The following CCR5AS variants were observed in gnomAD, a reference collection of about 807,000 sequenced individuals.
CCR5AS encodes the protein CCR5 antisense RNA.
intron 1 of CCR5AS, among the ~76,000 whole-genome samples, chr3:46,404,869 A>G (rs1046669981): frequency 7.3e-6 from 1 of 137,854 alleles, no homozygotes; most frequent in Non-Finnish European, 1.6e-5. Flanking sequence ...ATACTTGCTG[A>G]ATAATTGAAT....
At chr3:46,393,656 A>T (rs1223960746) in intron 1 of CCR5AS, among the ~76,000 whole-genome samples, 1 of 152,210 alleles carries the variant, frequency 6.6e-6, no homozygotes, top group Non-Finnish European at 1.5e-5. Flanking sequence ...CAGCGCACAA[A>T]TTCTTGTATT....
chr3:46,373,499 C>T (rs757377300), intron 2 of CCR5AS: 4 of 1,612,376 alleles, frequency 2.5e-6, no homozygotes, highest in Non-Finnish European at 3.4e-6. Context: ...TAAAGATAGT[C>T]ATCTTGGGGC....
intron 2 of CCR5AS, among the ~76,000 whole-genome samples, chr3:46,383,479 T>A (rs888045990): frequency 6.6e-6 from 1 of 152,122 alleles, no homozygotes; most frequent in African/African-American, 2.4e-5. Context: ...CAAAGCCCCA[T>A]GGGCAGGGGT....
rs542774538 is a variant in CCR5AS at position 46,386,746 on chromosome 3, A to AT, written n.391+6078dup. Among the ~76,000 whole-genome samples the AT allele has an allele frequency of 7.7e-4, 117 of 152,350 alleles. 2 individuals carry two copies. In the Middle Eastern group the frequency reaches 0.01, roughly 13 times the overall value. On this transcript the variant is annotated intron_variant and non_coding_transcript_variant, in intron 2 of 3. Transcript: ENST00000451485. ...GACTAGATATAATATTATGTTAATT[A>AT]TGCTTTAATTTGGGGTACAATAATG...
chr3:46,381,570 A>G (rs1056428821), intron 2 of CCR5AS, among the ~76,000 whole-genome samples: 5 of 152,252 alleles, frequency 3.3e-5, no homozygotes, highest in African/African-American at 1.2e-4. Flanking sequence ...ATACCGCTGA[A>G]TATAATAAAA....
At chr3:46,370,763 TA>T (rs1276532577) in intron 3 of CCR5AS, 1 of 152,160 alleles carries the variant, frequency 6.6e-6, no homozygotes, top group Non-Finnish European at 1.5e-5. Flanking sequence ...AGCCCGTAAA[TA>T]AACCTTCAGA....
intron 1 of CCR5AS, among the ~76,000 whole-genome samples, chr3:46,406,254 A>G (rs1479160377): frequency 6.6e-6 from 1 of 152,132 alleles, no homozygotes; most frequent in Non-Finnish European, 1.5e-5. Context: ...CTTTGGTGGG[A>G]AAAGGATGTC....
intron 3 of CCR5AS, among the ~76,000 whole-genome samples, chr3:46,367,676 T>C (rs569696108): frequency 3.4e-4 from 52 of 152,294 alleles, no homozygotes; most frequent in African/African-American, 1.2e-3. Flanking sequence ...GTTCAAGAGA[T>C]TCTCCCACTT....
At chr3:46,384,866 TAGATAGATAGATA>T (rs1164715884) in intron 2 of CCR5AS, among the ~76,000 whole-genome samples, 1 of 25,852 alleles carries the variant, frequency 3.9e-5, no homozygotes, top group East Asian at 6.8e-4. Context: ...GATAGATAGA[TAGATAGATAGATA>T]GATAGATAGA....
At chr3:46,387,547 A>C (rs1289087706) in intron 2 of CCR5AS, among the ~76,000 whole-genome samples, 1 of 152,186 alleles carries the variant, frequency 6.6e-6, no homozygotes, top group East Asian at 1.9e-4. Flanking sequence ...TCAAGAGTTC[A>C]AGACCAGCCT....
chr3:46,392,585 C>A (rs142554027), intron 2 of CCR5AS, among the ~76,000 whole-genome samples: 1 of 152,062 alleles, frequency 6.6e-6, no homozygotes, highest in South Asian at 2.1e-4. Context: ...AGGCATCCCC[C>A]CGGTGATCAG....
intron 2 of CCR5AS, chr3:46,374,751 C>T (rs1701729340): frequency 6.0e-6 from 1 of 167,126 alleles, no homozygotes; most frequent in African/African-American, 2.4e-5. Flanking sequence ...GCAGGGAGAT[C>T]CTGGTTGGTG....
intron 1 of CCR5AS, among the ~76,000 whole-genome samples, chr3:46,403,074 G>T (rs141116482): frequency 6.6e-6 from 1 of 152,190 alleles, no homozygotes; most frequent in African/African-American, 2.4e-5. Flanking sequence ...ACATGATCTC[G>T]TTCTTTTCAT....
intron 3 of CCR5AS, among the ~76,000 whole-genome samples, chr3:46,367,762 G>T (rs1388861648): frequency 6.6e-6 from 1 of 152,190 alleles, no homozygotes; most frequent in East Asian, 1.9e-4. Flanking sequence ...AGTAGAGATG[G>T]GGTTTCACCA....
chr3:46,364,197 G>A (rs1042767816), downstream of CCR5AS, among the ~76,000 whole-genome samples: 1 of 152,258 alleles, frequency 6.6e-6, no homozygotes, highest in African/African-American at 2.4e-5. Flanking sequence ...CAGCTAGAGA[G>A]GAGATGTCAA....
intron 2 of CCR5AS, among the ~76,000 whole-genome samples, chr3:46,376,431 G>T (rs1240317855): frequency 6.6e-6 from 1 of 152,084 alleles, no homozygotes; most frequent in Admixed American, 6.6e-5. Context: ...TTTAGAGATG[G>T]TACCTCTAAG....
chr3:46,386,955 G>A (rs1449798503), intron 2 of CCR5AS, among the ~76,000 whole-genome samples: 1 of 152,116 alleles, frequency 6.6e-6, no homozygotes, highest in Non-Finnish European at 1.5e-5. Context: ...AAAACTGAGT[G>A]ATGGGAATAT....
chr3:46,400,983 C>A (rs139046559), intron 1 of CCR5AS, among the ~76,000 whole-genome samples: 2 of 151,992 alleles, frequency 1.3e-5, no homozygotes, highest in Admixed American at 6.6e-5. Context: ...GGAGATGGTG[C>A]GAATGTTTTT....
intron 2 of CCR5AS, among the ~76,000 whole-genome samples, chr3:46,379,123 A>C (rs2106758909): frequency 6.8e-6 from 1 of 147,178 alleles, no homozygotes; most frequent in African/African-American, 2.5e-5. Context: ...TGCACCCACT[A>C]ACTCGTCATC....
Sources: allele counts gnomAD v4.1 joint callset (sites outside exome capture counted in the v4.1 genomes callset), GRCh38; gene constraint gnomAD v4.1.1; transcripts MANE v1.5; gene names NCBI Gene and HGNC (gene_info 2026-07-23, HGNC 2026-07-21).